SRD5A2: variants seen among roughly 807,000 people sequenced by gnomAD.
SRD5A2 encodes steroid 5 alpha-reductase 2, also known as 3-oxo-5-alpha-steroid 4-dehydrogenase 2.
SRD5A2 carries 30 observed loss-of-function variants against 27.4 expected under a neutral mutation model. That is an observed-to-expected ratio of 1.10 (90% CI 0.82 to 1.49). The LOEUF is 1.49. Among genes scored for constraint, SRD5A2 ranks in the 40% most tolerant of loss-of-function variants. The pLI is 0.00. For synonymous variants in SRD5A2, 141 were observed against 133.6 expected (o/e 1.06, Z -0.38); for missense variants, 348 against 323.4 (o/e 1.08, Z -0.58).
At chr2:31,574,466 A>G (rs1666915712) in intron 1 of SRD5A2, among the ~76,000 whole-genome samples, 1 of 152,222 alleles carries the variant, frequency 6.6e-6, no homozygotes, top group South Asian at 2.1e-4. Flanking sequence ...TAGATTTTAA[A>G]TGGACAAAAA....
chr2:31,572,305 G>C (rs976169823), intron 1 of SRD5A2, among the ~76,000 whole-genome samples: 2 of 152,118 alleles, frequency 1.3e-5, no homozygotes, highest in Non-Finnish European at 2.9e-5. Flanking sequence ...TCTACTTGAG[G>C]GTGGAGGATG....
chr2:31,529,382 G>C lies in SRD5A2; in HGVS notation c.623C>G (p.Thr208Ser). The C allele has an allele frequency of 6.2e-7, 1 of 1,613,978 alleles. No homozygotes were observed. The highest frequency in any genetic ancestry group is 1.1e-5 in the South Asian group (1 of 91,088). The change falls in exon 4 of 5, where the codon ACT (threonine) becomes AGT (serine). Residue 208 changes from threonine (T) to serine (S), a missense_variant. Transcript: ENST00000622030. ...AAATGCAAGTGCTGGGAGGGACCAA[G>C]TGGCCAGGGCATAGCCGATCCATTC... is the stretch of plus-strand genomic sequence containing the variant. ...IIEWIGYALA[T>S]WSLPALAFAF... is the part of the protein sequence containing the mutation.
At chr2:31,629,603 C>A in the SRD5A2 span, among the ~76,000 whole-genome samples, 1 of 152,084 alleles carries the variant, frequency 6.6e-6, no homozygotes, top group Admixed American at 6.6e-5. Flanking sequence ...TGTTGGTCTG[C>A]CTAGAACCAG....
intron 1 of SRD5A2, among the ~76,000 whole-genome samples, chr2:31,568,824 C>G (rs561381052): frequency 6.6e-6 from 1 of 152,362 alleles, no homozygotes; most frequent in East Asian, 1.9e-4. Flanking sequence ...CTCATCAGCA[C>G]CCAAAGTCTG....
At chr2:31,637,855 G>A in the SRD5A2 span, among the ~76,000 whole-genome samples, 1 of 151,902 alleles carries the variant, frequency 6.6e-6, no homozygotes, top group African/African-American at 2.4e-5. Context: ...CTAGCTAAGG[G>A]TTTGTTAATT....
chr2:31,595,284 TAAAC>T, the SRD5A2 span, among the ~76,000 whole-genome samples: 2 of 151,910 alleles, frequency 1.3e-5, no homozygotes, highest in African/African-American at 4.8e-5. Flanking sequence ...TTTGAAAAGA[TAAAC>T]AAAATTGATA....
the SRD5A2 span, among the ~76,000 whole-genome samples, chr2:31,644,252 G>T: frequency 6.6e-6 from 1 of 152,188 alleles, no homozygotes; most frequent in Non-Finnish European, 1.5e-5. Context: ...CTTCAAAAAT[G>T]TCAAGGTCAG....
chr2:31,565,072 G>C (rs890594353), intron 1 of SRD5A2, among the ~76,000 whole-genome samples: 1 of 151,866 alleles, frequency 6.6e-6, no homozygotes, highest in African/African-American at 2.4e-5. Flanking sequence ...ATAAGGGCAA[G>C]AGAGAAGAAA....
the SRD5A2 span, among the ~76,000 whole-genome samples, chr2:31,655,623 C>T: frequency 6.6e-6 from 1 of 152,174 alleles, no homozygotes; most frequent in African/African-American, 2.4e-5. Flanking sequence ...CTGCCTCTTG[C>T]CCTGATCTCA....
At chr2:31,660,205 A>G in the SRD5A2 span, among the ~76,000 whole-genome samples, 25 of 152,244 alleles carry the variant, frequency 1.6e-4, no homozygotes, top group East Asian at 1.7e-3. Context: ...CCACTGAGAC[A>G]CCATTTCTTA....
chr2:31,571,049 G>C (rs1265073212), intron 1 of SRD5A2, among the ~76,000 whole-genome samples: 1 of 152,060 alleles, frequency 6.6e-6, no homozygotes, highest in Non-Finnish European at 1.5e-5. Flanking sequence ...AATCAAAAAA[G>C]AGCTGGGATA....
chr2:31,609,454 A>G, the SRD5A2 span, among the ~76,000 whole-genome samples: 1 of 152,156 alleles, frequency 6.6e-6, no homozygotes, highest in African/African-American at 2.4e-5. Context: ...TCCAAAAGTC[A>G]ATGTATACAT....
chr2:31,546,764 C>T (rs28745296), intron 1 of SRD5A2, among the ~76,000 whole-genome samples: 6,378 of 152,114 alleles, frequency 0.042, 453 homozygotes, highest in African/African-American at 0.15. Flanking sequence ...TGTAATAAAC[C>T]TGTACATGTG....
chr2:31,541,343 C>CA (rs34819358), intron 1 of SRD5A2, among the ~76,000 whole-genome samples: 25,434 of 144,472 alleles, frequency 0.18, 2,859 homozygotes, highest in African/African-American at 0.34. Context: ...CAACTTTCAA[C>CA]AAAAAAAAAC....
chr2:31,524,292 C>T lies in SRD5A2; in HGVS notation c.*1904G>A, dbSNP rs1433183608. ...TACTTCACCAAGTGTGTTCATTCCC[C>T]CTGTGTATTCCTCAGCACCAGGAGT... is the stretch of plus-strand genomic sequence containing the variant. On this transcript the variant is annotated 3_prime_UTR_variant, in exon 5 of 5. Transcript: ENST00000622030. 3 of 227,824 alleles carry T rather than the reference C, an allele frequency of 1.3e-5. No individual in the cohort carries two copies. Among genetic ancestry groups the T allele is most frequent in the African/African-American group, 2.2e-5 (1 of 45,044 alleles). 14.1% of individuals were successfully genotyped at this position (227,824 alleles called of 1,614,324 possible). A position where few individuals can be genotyped will look rare whatever the true frequency, so the allele number is the denominator to read the frequency against.
the SRD5A2 span, among the ~76,000 whole-genome samples, chr2:31,627,433 G>GT: frequency 0.41 from 62,017 of 149,622 alleles, 12,946 homozygotes; most frequent in Non-Finnish European, 0.46. Context: ...TTTGTACGGG[G>GT]GTGTGTGTGT....
the SRD5A2 span, among the ~76,000 whole-genome samples, chr2:31,662,450 C>T: frequency 6.6e-6 from 1 of 152,080 alleles, no homozygotes; most frequent in Non-Finnish European, 1.5e-5. Flanking sequence ...TCCTGACTAG[C>T]CGGGACTACA....
At chr2:31,624,375 T>A in the SRD5A2 span, among the ~76,000 whole-genome samples, 9 of 152,244 alleles carry the variant, frequency 5.9e-5, no homozygotes, top group South Asian at 1.7e-3. Flanking sequence ...ATTATTTTTT[T>A]AATTCTACTT....
At chr2:31,644,757 T>A in the SRD5A2 span, among the ~76,000 whole-genome samples, 1 of 152,224 alleles carries the variant, frequency 6.6e-6, no homozygotes, top group Non-Finnish European at 1.5e-5. Flanking sequence ...TGCATCATCA[T>A]AATCCATAAA....
Sources: gnomAD v4.1 joint callset for allele counts (sites outside exome capture counted in the v4.1 genomes callset) on GRCh38, gnomAD v4.1.1 for gene constraint, MANE v1.5 for transcripts, NCBI Gene and HGNC (gene_info 2026-07-23, HGNC 2026-07-21) for gene names.